JAZF1: variants seen among roughly 807,000 people sequenced by gnomAD.
The protein encoded by JAZF1 is JAZF zinc finger 1, also known as juxtaposed with another zinc finger protein 1.
In JAZF1, 8 loss-of-function variants were observed where a neutral mutation model predicts 26.4. The ratio of observed to expected loss-of-function variants is 0.30; its 90% CI spans 0.18 to 0.55. The LOEUF (loss-of-function observed/expected upper bound fraction) is 0.55, where lower values mean the gene tolerates loss of function less well. Among genes scored for constraint, JAZF1 ranks in the 20% least tolerant of loss-of-function variants. The pLI, the probability that JAZF1 is intolerant of heterozygous loss-of-function variation, is 0.94. For synonymous variants in JAZF1, 126 were observed against 122.3 expected, an observed-to-expected ratio of 1.03 and a Z score of -0.20; for missense variants, 199 against 322.0, an observed-to-expected ratio of 0.62 and a Z score of 2.92.
intron 1 of JAZF1, among the ~76,000 whole-genome samples, chr7:28,174,247 T>A (rs1487372791): frequency 2.6e-5 from 4 of 151,890 alleles, no homozygotes; most frequent in Non-Finnish European, 5.9e-5. Context: ...GAATGTGGGG[T>A]ATGTATGATT....
chr7:28,079,652 A>C (rs894877991), intron 1 of JAZF1, among the ~76,000 whole-genome samples: 2 of 152,232 alleles, frequency 1.3e-5, no homozygotes, highest in Non-Finnish European at 2.9e-5. Flanking sequence ...CTTGCTGATG[A>C]ACTGAGTAGG....
intron 2 of JAZF1, among the ~76,000 whole-genome samples, chr7:27,921,013 C>T (rs1784520562): frequency 6.6e-6 from 1 of 151,920 alleles, no homozygotes; most frequent in Non-Finnish European, 1.5e-5. Flanking sequence ...GCATTTAAAG[C>T]TTTCTATTTA....
At chr7:28,026,021 A>G (rs1339461341) in intron 1 of JAZF1, among the ~76,000 whole-genome samples, 1 of 152,194 alleles carries the variant, frequency 6.6e-6, no homozygotes, top group Non-Finnish European at 1.5e-5. Flanking sequence ...AATAATGACA[A>G]CAGGACAAAT....
At chr7:27,976,344 CAAAAAAAAAAA>C (rs55992845) in intron 2 of JAZF1, among the ~76,000 whole-genome samples, 1 of 80,460 alleles carries the variant, frequency 1.2e-5, no homozygotes, top group African/African-American at 5.4e-5. Flanking sequence ...GACTCCGTCT[CAAAAAAAAAAA>C]AAAAAAAAAA....
chr7:28,106,256 T>C (rs1784551904), intron 1 of JAZF1, among the ~76,000 whole-genome samples: 1 of 152,226 alleles, frequency 6.6e-6, no homozygotes, highest in Non-Finnish European at 1.5e-5. Context: ...TTCTTTTCAC[T>C]TGCTTTTGGT....
rs376039276 is a variant in JAZF1 at position 28,036,183 on chromosome 7, A to C, written c.116-44202T>G. ...AAATAACACCTTCCCCCAACCAGTC[A>C]TTTTAACATGCAGCACTCTGCAATA... is the stretch of plus-strand genomic sequence containing the variant. On this transcript the variant is annotated intron_variant, in intron 1 of 4. Coordinates refer to ENST00000283928, the MANE Select transcript of JAZF1 (RefSeq NM_175061.4). Among the ~76,000 whole-genome samples the C allele has an allele frequency of 1.1e-4, 16 of 152,350 alleles. No homozygotes were observed. The East Asian group carries it at 3.1e-3, about 29-fold the overall frequency.
At chr7:27,874,922 C>T (rs1411425840) in intron 3 of JAZF1, among the ~76,000 whole-genome samples, 3 of 151,948 alleles carry the variant, frequency 2.0e-5, no homozygotes, top group Middle Eastern at 3.2e-3. Context: ...GCTGGAGCGC[C>T]GGGAGCTGCA....
chr7:28,154,233 C>T (rs1157706591), intron 1 of JAZF1, among the ~76,000 whole-genome samples: 3 of 152,146 alleles, frequency 2.0e-5, no homozygotes, highest in South Asian at 4.1e-4. Context: ...ACAAGTTGAT[C>T]CCATAATCTA....
intron 1 of JAZF1, among the ~76,000 whole-genome samples, chr7:28,117,375 C>A (rs1354982663): frequency 6.6e-6 from 1 of 152,190 alleles, no homozygotes; most frequent in Non-Finnish European, 1.5e-5. Flanking sequence ...TGAAATCCTT[C>A]TTAAAAATAT....
At chr7:28,094,839 G>A (rs1784358244) in intron 1 of JAZF1, among the ~76,000 whole-genome samples, 1 of 152,088 alleles carries the variant, frequency 6.6e-6, no homozygotes, top group Non-Finnish European at 1.5e-5. Flanking sequence ...GCCTGCTCAT[G>A]ATGTTTTAAC....
chr7:27,959,095 G>C (rs1785148095), intron 2 of JAZF1, among the ~76,000 whole-genome samples: 1 of 152,206 alleles, frequency 6.6e-6, no homozygotes, highest in African/African-American at 2.4e-5. Context: ...TAACTTTTCT[G>C]TATTATCTTT....
rs117960993 is a variant in JAZF1 at position 28,080,064 on chromosome 7, A to G, written c.116-88083T>C. Among the ~76,000 whole-genome samples, 320 of 152,370 alleles carry G rather than the reference A, an allele frequency of 2.1e-3. 2 individuals carry two copies. The East Asian group carries it at 0.021, about 10-fold the overall frequency. On this transcript the variant is annotated intron_variant, in intron 1 of 4. Coordinates refer to ENST00000283928, the MANE Select transcript of JAZF1 (RefSeq NM_175061.4). ...ATTTTAAAATATTTTATTGCTAAAA[A>G]ATACTTTGTAAAAATGCTTATAGTC...
intron 1 of JAZF1, among the ~76,000 whole-genome samples, chr7:28,011,586 G>A (rs192938821): frequency 3.2e-4 from 49 of 152,170 alleles, no homozygotes; most frequent in African/African-American, 1.0e-3. Context: ...ATAAACACAC[G>A]GCTTTTTAAC....
intron 4 of JAZF1, among the ~76,000 whole-genome samples, chr7:27,838,292 A>G (rs1410208694): frequency 6.6e-6 from 1 of 152,178 alleles, no homozygotes; most frequent in Non-Finnish European, 1.5e-5. Context: ...TCCTCTACAA[A>G]GGGCAGGGAG....
chr7:27,946,287 G>C (rs1288256237), intron 2 of JAZF1, among the ~76,000 whole-genome samples: 2 of 152,058 alleles, frequency 1.3e-5, no homozygotes, highest in Non-Finnish European at 2.9e-5. Flanking sequence ...TAGTTTAAAA[G>C]GGAAATTAAA....
chr7:27,871,243 G>C (rs1467811391), intron 3 of JAZF1, among the ~76,000 whole-genome samples: 1 of 152,182 alleles, frequency 6.6e-6, no homozygotes, highest in Non-Finnish European at 1.5e-5. Context: ...TCTTGATCTA[G>C]AGACATACAG....
At chr7:27,992,069 G>A (rs1038094972) in intron 1 of JAZF1, 88 bp from the exon 2 acceptor site, 5 of 823,064 alleles carry the variant, frequency 6.1e-6, no homozygotes, top group Non-Finnish European at 1.1e-5. Context: ...AGGCTAAGCA[G>A]AGAAAAAGAT....
At chr7:27,916,458 ACTAATACATGACCTTGT>A (rs1784444513) in intron 2 of JAZF1, among the ~76,000 whole-genome samples, 1 of 152,140 alleles carries the variant, frequency 6.6e-6, no homozygotes, top group Non-Finnish European at 1.5e-5. Flanking sequence ...TCCTCAATGG[ACTAATACATGACCTTGT>A]TTTAGGTGTG....
In JAZF1 at chr7:27,831,180, T is replaced by C. The variant is rs929710120; in HGVS notation, c.*1620A>G. On this transcript the variant is annotated 3_prime_UTR_variant, in exon 5 of 5. Transcript: ENST00000283928. ...TAGAGGGCAGTGTTTTTATAAATAC[T>C]TTGAATCCCTCATAATGAAGGATTT... 6 of 223,086 alleles carry C rather than the reference T, an allele frequency of 2.7e-5. No homozygotes were observed. Among genetic ancestry groups the C allele is most frequent in the Non-Finnish European group, 5.4e-5 (6 of 111,408 alleles). 13.8% of individuals were successfully genotyped at this position (223,086 alleles called of 1,614,324 possible). A position where few individuals can be genotyped will look rare whatever the true frequency, so the allele number is the denominator to read the frequency against.
Sources: allele counts gnomAD v4.1 joint callset (sites outside exome capture counted in the v4.1 genomes callset), GRCh38; gene constraint gnomAD v4.1.1; transcripts MANE v1.5; gene names NCBI Gene and HGNC (gene_info 2026-07-23, HGNC 2026-07-21).